PPIP5K2: variants seen among roughly 807,000 people sequenced by gnomAD.
PPIP5K2 encodes the protein diphosphoinositol pentakisphosphate kinase 2, also known as inositol hexakisphosphate and diphosphoinositol-pentakisphosphate kinase 2.
In PPIP5K2, 105 loss-of-function variants were observed where a neutral mutation model predicts 154.6. The ratio of observed to expected loss-of-function variants is 0.68; its 90% CI spans 0.58 to 0.80. The LOEUF is 0.80. PPIP5K2 is among the 30% of genes least tolerant of loss of function. The probability of loss-of-function intolerance (pLI) is 0.00; values close to 1 mark genes in which losing one functional copy is unlikely to be tolerated. For synonymous variants in PPIP5K2, 480 were observed against 490.3 expected, an observed-to-expected ratio of 0.98 and a Z score of 0.28; for missense variants, 992 against 1,504.6, an observed-to-expected ratio of 0.66 and a Z score of 5.64.
At chr5:103,163,266 A>G (rs548855175) in intron 17 of PPIP5K2, among the ~76,000 whole-genome samples, 47 of 151,804 alleles carry the variant, frequency 3.1e-4, no homozygotes, top group African/African-American at 1.0e-3. Context: ...ATATTCTTTA[A>G]TATCTTTCAA....
In PPIP5K2 at chr5:103,159,188, C is replaced by T. The variant is rs782309803; in HGVS notation, c.1780C>T (p.Gln594Ter). The change falls in exon 17 of 31, where the codon CAA becomes TAA. Residue 594 changes from glutamine to a stop codon, truncating the protein, a stop_gained. Transcript: ENST00000358359. LOFTEE classifies it high-confidence loss of function. Reference sequence around the variant, plus strand: ...AGGAGAGCTTACACCCATTCTTGTTCAAATGGTGAAAAGTGCAAATATGAA... The same window carrying T: ...AGGAGAGCTTACACCCATTCTTGTTTAAATGGTGAAAAGTGCAAATATGAA... ...LEGELTPILV[Q>*]MVKSANMNGL... 6.2e-7 allele frequency: 1 copy of T among 1,608,244 alleles called. No individual in the cohort carries two copies. The highest frequency in any genetic ancestry group is 1.1e-5 in the South Asian group (1 of 90,398).
chr5:103,176,329 A>G (rs1364350838), intron 21 of PPIP5K2, among the ~76,000 whole-genome samples: 1 of 151,996 alleles, frequency 6.6e-6, no homozygotes, highest in Non-Finnish European at 1.5e-5. Flanking sequence ...TGTTCACCTA[A>G]TGAAAATTTT....
chr5:103,154,075 G>A, intron 11 of PPIP5K2, 141 bp downstream of exon 11: 3 of 553,356 alleles, frequency 5.4e-6, no homozygotes, highest in Non-Finnish European at 9.4e-6. Flanking sequence ...ACCAGTGGGT[G>A]GGTACAAAAT....
intron 21 of PPIP5K2, 68 bp from the exon 22 acceptor site, chr5:103,177,599 G>C (rs1798911008): frequency 1.9e-6 from 2 of 1,041,410 alleles, no homozygotes; most frequent in Non-Finnish European, 1.4e-6. Context: ...AGCTACCATA[G>C]TGACAATAAA....
intron 25 of PPIP5K2, 48 bp downstream of exon 25, chr5:103,183,455 G>A: frequency 1.4e-6 from 2 of 1,472,418 alleles, no homozygotes; most frequent in Middle Eastern, 1.7e-4. Flanking sequence ...TGCATTCAGA[G>A]CAACAAACAG....
Position 103,207,659 on chromosome 5 carries a change from C to T in PPIP5K2, c.*6025C>T, listed in dbSNP as rs1803593111. 6.6e-6 allele frequency: 1 copy of T among 151,988 alleles called. No individual in the cohort carries two copies. Among genetic ancestry groups the T allele is most frequent in the African/African-American group, 2.4e-5 (1 of 41,386 alleles). The allele number at this position is 151,988 out of a possible 1,614,324, so 9.4% of individuals were successfully genotyped here. On this transcript the variant is annotated 3_prime_UTR_variant, in exon 31 of 31. Transcript: ENST00000358359. ...TTAGTGTATTTTTTCCTCTACTGCA[C>T]AGTTTTGGTTGATTATTTTTTCCTT...
intron 2 of PPIP5K2, 88 bp from the exon 3 acceptor site, chr5:103,133,365 T>C: frequency 9.5e-7 from 1 of 1,055,560 alleles, no homozygotes; most frequent in African/African-American, 1.7e-5. Flanking sequence ...ATCACATGCC[T>C]TATCTACTTT....
chr5:103,161,285 T>C (rs369778203), intron 17 of PPIP5K2, among the ~76,000 whole-genome samples: 1 of 152,058 alleles, frequency 6.6e-6, no homozygotes, highest in African/African-American at 2.4e-5. Context: ...CAAAGGACAT[T>C]AACTCATCAT....
At chr5:103,186,516 A>C (rs1800411638) in intron 27 of PPIP5K2, 77 bp downstream of exon 27, 4 of 1,577,900 alleles carry the variant, frequency 2.5e-6, no homozygotes, top group Middle Eastern at 1.7e-4. Context: ...TCAAAGGCAA[A>C]TCTAAGGCCA....
intron 28 of PPIP5K2, 141 bp from the exon 29 acceptor site, chr5:103,190,701 C>A: frequency 1.6e-6 from 1 of 619,182 alleles, no homozygotes; most frequent in Non-Finnish European, 2.5e-6. Flanking sequence ...GGTGTCATGA[C>A]TTCAGAGATA....
intron 29 of PPIP5K2, 59 bp from the exon 30 acceptor site, chr5:103,194,841 T>C: frequency 6.5e-7 from 1 of 1,543,668 alleles, no homozygotes; most frequent in Non-Finnish European, 8.8e-7. Context: ...CTTTCTATGA[T>C]GTTAAGAGAT....
At chr5:103,186,689 A>G (rs981656651) in intron 27 of PPIP5K2, among the ~76,000 whole-genome samples, 1 of 152,182 alleles carries the variant, frequency 6.6e-6, no homozygotes, top group Non-Finnish European at 1.5e-5. Context: ...GAAGAGTATT[A>G]TGTGTATTCT....
chr5:103,140,364 T>G (rs1792354427), intron 5 of PPIP5K2, among the ~76,000 whole-genome samples: 1 of 151,996 alleles, frequency 6.6e-6, no homozygotes, highest in Non-Finnish European at 1.5e-5. Flanking sequence ...TTAATTAAAC[T>G]CTCAAAGGTC....
chr5:103,149,009 A>G, intron 7 of PPIP5K2, 143 bp from the exon 8 acceptor site: 1 of 629,454 alleles, frequency 1.6e-6, no homozygotes, highest in Non-Finnish European at 2.5e-6. Flanking sequence ...AAATTTGGGC[A>G]TGTAAAATAG....
chr5:103,186,456 A>G lies in PPIP5K2; in HGVS notation c.3289+17A>G, dbSNP rs185017920. ...GCATAGATGGTATGTGCACACATGC[A>G]CACACAGATTCATACCTACACCCAT... On this transcript the variant is annotated intron_variant, in intron 27 of 30. Coordinates refer to ENST00000358359, the MANE Select transcript of PPIP5K2 (RefSeq NM_001276277.3). 94 of 1,613,586 alleles carry G rather than the reference A, an allele frequency of 5.8e-5. No homozygotes were observed. The highest frequency in any genetic ancestry group is 1.7e-6 in the Non-Finnish European group (2 of 1,179,690).
rs1193210538 is a variant in PPIP5K2 at position 103,197,173 on chromosome 5, G to T, written c.3619+2148G>T. ...TTTGTAATGCCTTTTTCCAGGTTTT[G>T]GTATCAGAGTAATGCTAGCTTCATA... On this transcript the variant is annotated intron_variant, in intron 30 of 30. Coordinates refer to ENST00000358359, the MANE Select transcript of PPIP5K2 (RefSeq NM_001276277.3). Among the ~76,000 whole-genome samples the T allele has an allele frequency of 2.0e-5, 3 of 152,116 alleles. No individual in the cohort carries two copies. In the East Asian group the frequency reaches 5.8e-4, roughly 29 times the overall value.
intron 24 of PPIP5K2, among the ~76,000 whole-genome samples, chr5:103,182,913 T>C (rs1425869712): frequency 3.3e-5 from 5 of 152,168 alleles, no homozygotes; most frequent in Middle Eastern, 3.4e-3. Flanking sequence ...ACTAAAATAT[T>C]TCCAGTTTTA....
At chr5:103,159,984 T>A (rs1013021739) in intron 17 of PPIP5K2, among the ~76,000 whole-genome samples, 1 of 152,172 alleles carries the variant, frequency 6.6e-6, no homozygotes, top group African/African-American at 2.4e-5. Flanking sequence ...TAAGTTTAAC[T>A]TTTTTAGATT....
intron 11 of PPIP5K2, among the ~76,000 whole-genome samples, chr5:103,154,255 A>G (rs1370508292): frequency 3.3e-5 from 5 of 152,006 alleles, no homozygotes; most frequent in Non-Finnish European, 7.4e-5. Flanking sequence ...CTTTTAGAAG[A>G]AAATTAGTAG....
Sources: allele counts gnomAD v4.1 joint callset (sites outside exome capture counted in the v4.1 genomes callset), GRCh38; gene constraint gnomAD v4.1.1; transcripts MANE v1.5; gene names NCBI Gene and HGNC (gene_info 2026-07-23, HGNC 2026-07-21).